The following WDR44 variants were observed in gnomAD, a reference collection of about 807,000 sequenced individuals.
WDR44 encodes WD repeat domain 44.
In WDR44, 9 loss-of-function variants were observed where a neutral mutation model predicts 65.7. The ratio of observed to expected loss-of-function variants is 0.14; its 90% CI spans 0.08 to 0.24. The LOEUF (loss-of-function observed/expected upper bound fraction) is 0.24. WDR44 is among the 10% of genes least tolerant of loss of function. The probability of loss-of-function intolerance (pLI) is 1.00; values close to 1 mark genes in which losing one functional copy is unlikely to be tolerated. For missense variants in WDR44, 425 were observed against 670.9 expected, an observed-to-expected ratio of 0.63 and a Z score of 4.05; for synonymous variants, 220 against 235.2, an observed-to-expected ratio of 0.94 and a Z score of 0.59.
chrX:118,442,462 T>C, intron 16 of WDR44, 103 bp from the exon 17 acceptor site: 1 of 943,435 alleles, frequency 1.1e-6, no homozygotes, highest in Non-Finnish European at 1.5e-6. Flanking sequence ...TTCTTCTAGT[T>C]TTGAGGTATA....
chrX:118,407,260 G>A (rs2056975200), intron 10 of WDR44, among the ~76,000 whole-genome samples: 2 of 111,790 alleles, frequency 1.8e-5, no homozygotes, highest in South Asian at 7.4e-4. Flanking sequence ...CAGCACTTTG[G>A]GAGGCCAAGA....
intron 13 of WDR44, among the ~76,000 whole-genome samples, chrX:118,434,747 A>G (rs1313392224): frequency 8.9e-6 from 1 of 111,842 alleles, no homozygotes; most frequent in Non-Finnish European, 1.9e-5. Context: ...AAGCCTCTCC[A>G]GGGTAGGAAC....
At chrX:118,436,097 C>T (rs780823441) in intron 13 of WDR44, among the ~76,000 whole-genome samples, 1 of 112,096 alleles carries the variant, frequency 8.9e-6, no homozygotes, top group South Asian at 3.7e-4. Flanking sequence ...GCGATGGGGC[C>T]ATCACGGTGC....
At chrX:118,423,749 T>C (rs938922805) in intron 12 of WDR44, among the ~76,000 whole-genome samples, 3 of 112,002 alleles carry the variant, frequency 2.7e-5, no homozygotes, top group African/African-American at 9.7e-5. Context: ...CTTTGACTAA[T>C]ACCACCTGTT....
At chrX:118,361,233 C>T (rs2056508485) in intron 1 of WDR44, among the ~76,000 whole-genome samples, 1 of 111,686 alleles carries the variant, frequency 9.0e-6, no homozygotes, top group Non-Finnish European at 1.9e-5. Context: ...GAACATGAAG[C>T]AGGTGGCAAA....
intron 8 of WDR44, 68 bp from the exon 9 acceptor site, chrX:118,404,270 T>C (rs2056943926): frequency 1.3e-6 from 1 of 783,412 alleles, no homozygotes; most frequent in East Asian, 3.2e-5. Flanking sequence ...TCACAGCTGA[T>C]ACATTTGTCT....
chrX:118,427,959 G>A (rs1279809751), intron 12 of WDR44, among the ~76,000 whole-genome samples: 4 of 110,286 alleles, frequency 3.6e-5, no homozygotes, highest in African/African-American at 1.3e-4. Flanking sequence ...ACAGGCGTGA[G>A]CCACTGTGCC....
chrX:118,418,123 C>G (rs1385186173), intron 12 of WDR44, among the ~76,000 whole-genome samples: 1 of 111,673 alleles, frequency 9.0e-6, no homozygotes, highest in Non-Finnish European at 1.9e-5. Context: ...CTGCATTGGG[C>G]TTTGCCTTTC....
chrX:118,444,041 G>A (rs112190355), intron 18 of WDR44, among the ~76,000 whole-genome samples: 27 of 99,016 alleles, frequency 2.7e-4, no homozygotes, highest in African/African-American at 9.5e-4. Context: ...GTGAGATTCC[G>A]TCTAAAAAAA....
At chrX:118,359,701 TCTCA>T (rs1344044136) in intron 1 of WDR44, among the ~76,000 whole-genome samples, 1 of 112,403 alleles carries the variant, frequency 8.9e-6, no homozygotes, top group African/African-American at 3.2e-5. Flanking sequence ...TGCCAAATTT[TCTCA>T]CTATTTCTAT....
intron 12 of WDR44, among the ~76,000 whole-genome samples, chrX:118,424,353 A>G (rs1602957184): frequency 1.0e-5 from 1 of 96,304 alleles, no homozygotes; most frequent in Non-Finnish European, 2.0e-5. Context: ...ATATATGTAT[A>G]TATATATAAT....
At chrX:118,448,780 G>A (rs1417081020) in intron 19 of WDR44, 113 bp from the exon 20 acceptor site, 4 of 413,202 alleles carry the variant, frequency 9.7e-6, no homozygotes, top group Non-Finnish European at 1.6e-5. Flanking sequence ...CTGAAAAGGT[G>A]GGGAGATGAT....
intron 8 of WDR44, 115 bp downstream of exon 8, chrX:118,398,585 T>C: frequency 1.7e-6 from 1 of 587,421 alleles, no homozygotes; most frequent in Non-Finnish European, 2.7e-6. Context: ...CCCACCACCA[T>C]TCCTCCCTGT....
chrX:118,376,021 C>T (rs35257452), intron 1 of WDR44, among the ~76,000 whole-genome samples: 29,427 of 110,987 alleles, frequency 0.27, 3,177 homozygotes, highest in African/African-American at 0.39. Flanking sequence ...AATCATGGCT[C>T]ATGGCTCCTG....
At chrX:118,360,196 T>C (rs2056499098) in intron 1 of WDR44, among the ~76,000 whole-genome samples, 1 of 111,918 alleles carries the variant, frequency 8.9e-6, no homozygotes, top group Non-Finnish European at 1.9e-5. Flanking sequence ...TTAGATGCCA[T>C]TTCTTCAATT....
chrX:118,351,955 T>TAAAC (rs10666241), intron 1 of WDR44, among the ~76,000 whole-genome samples: 27,273 of 107,145 alleles, frequency 0.25, 3,092 homozygotes, highest in African/African-American at 0.38. Context: ...AATAAATAAA[T>TAAAC]AAACAATTTA....
intron 1 of WDR44, among the ~76,000 whole-genome samples, chrX:118,367,177 T>C (rs1284752559): frequency 8.9e-6 from 1 of 112,435 alleles, no homozygotes; most frequent in African/African-American, 3.2e-5. Context: ...TTTATCATTG[T>C]TGAACATGAT....
intron 11 of WDR44, among the ~76,000 whole-genome samples, chrX:118,410,260 G>A (rs778488627): frequency 9.0e-6 from 1 of 111,375 alleles, no homozygotes; most frequent in Non-Finnish European, 1.9e-5. Flanking sequence ...GAGAAGTAAA[G>A]CATAGGAGAA....
chrX:118,378,513 T>C, intron 2 of WDR44, 61 bp downstream of exon 2: 1 of 1,082,662 alleles, frequency 9.2e-7, no homozygotes. Context: ...TTCGTGTTTT[T>C]GTGTAATTCT....
Sources: allele counts gnomAD v4.1 joint callset (sites outside exome capture counted in the v4.1 genomes callset), GRCh38; gene constraint gnomAD v4.1.1; transcripts MANE v1.5; gene names NCBI Gene and HGNC (gene_info 2026-07-23, HGNC 2026-07-21).